The following MS4A4A variants were observed in gnomAD, a reference collection of about 807,000 sequenced individuals.
The protein encoded by MS4A4A is membrane spanning 4-domains A4A.
In MS4A4A, 26 loss-of-function variants were observed where a neutral mutation model predicts 28.0. That is an observed-to-expected ratio of 0.93 (90% CI 0.68 to 1.29). The LOEUF (loss-of-function observed/expected upper bound fraction) is 1.29, where lower values mean the gene tolerates loss of function less well. Among genes scored for constraint, MS4A4A ranks in the 50% most tolerant of loss-of-function variants. The pLI, the probability that MS4A4A is intolerant of heterozygous loss-of-function variation, is 0.00. For missense variants in MS4A4A, 290 were observed against 293.1 expected (o/e 0.99, Z 0.08); for synonymous variants, 86 against 100.8 (o/e 0.85, Z 0.88).
intron 5 of MS4A4A, 152 bp downstream of exon 5, chr11:60,302,869 T>C (rs985953595): frequency 1.3e-6 from 1 of 761,830 alleles, no homozygotes; most frequent in Non-Finnish European, 2.1e-6. Context: ...CATTTAGGAG[T>C]TAGGTACATG....
intron 1 of MS4A4A, among the ~76,000 whole-genome samples, chr11:60,285,818 A>G (rs1244081954): frequency 6.6e-6 from 1 of 152,158 alleles, no homozygotes; most frequent in Non-Finnish European, 1.5e-5. Context: ...TAGAATTACT[A>G]ATGAGGTTCC....
Position 60,297,294 on chromosome 11 carries a change from A to T in MS4A4A, c.299A>T (p.Tyr100Phe). 6.2e-7 allele frequency: 1 copy of T among 1,613,512 alleles called. No homozygotes were observed. Among genetic ancestry groups the T allele is most frequent in the Non-Finnish European group, 8.5e-7 (1 of 1,179,522 alleles). The change falls in exon 3 of 7, where the codon TAT becomes TTT. Residue 100 changes from tyrosine to phenylalanine, a missense_variant. By Grantham distance (22) the Tyr-to-Phe change is conservative. Transcript: ENST00000337908. ...NTYGSNPISV[Y>F]IGYTIWGSVM... ...TATGGAAGTAACCCTATTTCCGTGT[A>T]TATCGGGTACACAATTTGGGGGTCA...
At chr11:60,295,114 T>G (rs1355038025) in intron 2 of MS4A4A, among the ~76,000 whole-genome samples, 4 of 152,056 alleles carry the variant, frequency 2.6e-5, no homozygotes, top group Non-Finnish European at 5.9e-5. Context: ...AGTCTTCCTA[T>G]CCATGGACAT....
intron 2 of MS4A4A, 193 bp from the exon 3 acceptor site, chr11:60,297,004 G>A (rs1014454114): frequency 3.6e-5 from 23 of 634,078 alleles, no homozygotes; most frequent in Non-Finnish European, 3.4e-5. Flanking sequence ...AATGATAGAC[G>A]TCGCGAGAGA....
chr11:60,289,687 ATC>A (rs1196461869), intron 1 of MS4A4A, among the ~76,000 whole-genome samples: 1 of 151,508 alleles, frequency 6.6e-6, no homozygotes, highest in Non-Finnish European at 1.5e-5. Context: ...TAGAATTCTA[ATC>A]AGACATATTG....
chr11:60,299,300 G>A (rs1299389937), intron 3 of MS4A4A, among the ~76,000 whole-genome samples: 1 of 151,732 alleles, frequency 6.6e-6, no homozygotes, highest in Non-Finnish European at 1.5e-5. Context: ...AATTATTTTG[G>A]TAAATATACC....
At chr11:60,280,847 G>T (rs2084749553) in intron 1 of MS4A4A, 131 bp downstream of exon 1, 1 of 1,038,672 alleles carries the variant, frequency 9.6e-7, no homozygotes, top group Admixed American at 2.4e-5. Flanking sequence ...GGTATTCAGG[G>T]TTGGGGTGGG....
intron 5 of MS4A4A, among the ~76,000 whole-genome samples, chr11:60,305,107 CG>C (rs1393963361): frequency 6.6e-6 from 1 of 152,114 alleles, no homozygotes; most frequent in African/African-American, 2.4e-5. Flanking sequence ...TGCATCAATC[CG>C]GGGGAAAATT....
At position 60,297,235 on chromosome 11, in the gene MS4A4A, G is replaced by A; in HGVS notation, c.240G>A (p.Met80Ile). Residue 80 changes from methionine (M) to isoleucine (I), a missense_variant, in exon 3 of 7, where the codon ATG (methionine) becomes ATA (isoleucine). Transcript: ENST00000337908. ...QILTALMSLSMGITMMCMASN... is the reference protein window; with the variant it reads ...QILTALMSLSIGITMMCMASN... Reference sequence around the variant, plus strand: ...TGACTGCCCTGATGAGCCTTAGCATGGGAATAACAATGATGTGTATGGCAT... The same window carrying A: ...TGACTGCCCTGATGAGCCTTAGCATAGGAATAACAATGATGTGTATGGCAT... The A allele has an allele frequency of 6.2e-7, 1 of 1,613,508 alleles. No homozygotes were observed. The highest frequency in any genetic ancestry group is 1.1e-5 in the South Asian group (1 of 91,060).
At chr11:60,281,455 GAAAAACAAAAAC>G (rs375751867) in intron 1 of MS4A4A, among the ~76,000 whole-genome samples, 8 of 152,068 alleles carry the variant, frequency 5.3e-5, no homozygotes, top group African/African-American at 1.9e-4. Flanking sequence ...AGGGCTGGGA[GAAAAACAAAAAC>G]AAAAACAAAA....
intron 5 of MS4A4A, 57 bp from the exon 6 acceptor site, chr11:60,306,043 A>C: frequency 7.1e-7 from 1 of 1,417,432 alleles, no homozygotes; most frequent in South Asian, 1.2e-5. Flanking sequence ...TTACTGGGAA[A>C]TGTTTTCACT....
chr11:60,288,072 T>A (rs147696800), intron 1 of MS4A4A, among the ~76,000 whole-genome samples: 1 of 152,154 alleles, frequency 6.6e-6, no homozygotes, highest in Admixed American at 6.5e-5. Flanking sequence ...AAAGGTAGCC[T>A]CACTACCATG....
Position 60,292,390 on chromosome 11 carries a change from T to C in MS4A4A, c.201+6T>C, listed in dbSNP as rs1302919920. 2 of 1,585,896 alleles carry C rather than the reference T, an allele frequency of 1.3e-6. No individual in the cohort carries two copies. Among genetic ancestry groups the C allele is most frequent in the Non-Finnish European group, 1.7e-6 (2 of 1,168,550 alleles). On this transcript the variant is annotated splice_donor_region_variant and intron_variant, in intron 2 of 6. Transcript: ENST00000337908. ...GAGAACCCAAAGTCCTTGGGGTAAG[T>C]TGCAAATCTAGGGGAAGACCAATGG...
chr11:60,282,540 G>C (rs565664499), intron 1 of MS4A4A: 2 of 1,263,854 alleles, frequency 1.6e-6, no homozygotes, highest in Non-Finnish European at 1.0e-6. Context: ...ATAAAATGCT[G>C]TTCATGTGTG....
chr11:60,292,017 T>C (rs1432554137), intron 1 of MS4A4A, among the ~76,000 whole-genome samples: 2 of 101,962 alleles, frequency 2.0e-5, no homozygotes, highest in South Asian at 7.7e-4. Context: ...CTTGATATCA[T>C]ATGACATTTA....
chr11:60,282,232 G>GA (rs1302398020), intron 1 of MS4A4A, among the ~76,000 whole-genome samples: 1 of 152,290 alleles, frequency 6.6e-6, no homozygotes, highest in East Asian at 1.9e-4. Context: ...ACTAAACACA[G>GA]AGAGAGAACC....
intron 2 of MS4A4A, among the ~76,000 whole-genome samples, chr11:60,293,205 G>A (rs1374530312): frequency 6.6e-6 from 1 of 152,116 alleles, no homozygotes; most frequent in Non-Finnish European, 1.5e-5. Context: ...TTACAGGCAT[G>A]AGCCATCACA....
chr11:60,302,519 A>G, intron 4 of MS4A4A, 40 bp from the exon 5 acceptor site: 1 of 1,597,602 alleles, frequency 6.3e-7, no homozygotes. Context: ...ATATCTGAGG[A>G]TGTTGTTGGA....
At position 60,308,275 on chromosome 11, in the gene MS4A4A, C is replaced by G. The variant is rs904126162; in HGVS notation, c.*97C>G. On this transcript the variant is annotated 3_prime_UTR_variant, in exon 7 of 7. Transcript: ENST00000337908. ...AAATTACCAGTATCCAACTTCGATA[C>G]TGATAGACTTGTTGATATTATTATT... The G allele has an allele frequency of 3.9e-6, 4 of 1,029,212 alleles. No individual in the cohort carries two copies. Among genetic ancestry groups the G allele is most frequent in the Non-Finnish European group, 6.0e-6 (4 of 665,344 alleles). 63.8% of individuals were successfully genotyped at this position (1,029,212 alleles called of 1,614,324 possible).
Sources: gnomAD v4.1 joint callset for allele counts (sites outside exome capture counted in the v4.1 genomes callset) on GRCh38, gnomAD v4.1.1 for gene constraint, MANE v1.5 for transcripts, NCBI Gene and HGNC (gene_info 2026-07-23, HGNC 2026-07-21) for gene names.